SRC: variants seen among roughly 807,000 people sequenced by gnomAD.
SRC encodes the protein proto-oncogene tyrosine-protein kinase Src.
A neutral mutation model predicts 62.9 loss-of-function variants in SRC; 13 were observed. The observed-to-expected ratio is 0.21, with a 90% CI of 0.13 to 0.33. The LOEUF (loss-of-function observed/expected upper bound fraction) is 0.33. SRC is among the 10% of genes least tolerant of loss of function. The pLI is 1.00. For missense variants in SRC, 457 were observed against 737.3 expected (o/e 0.62, Z 4.40); for synonymous variants, 302 against 317.5 (o/e 0.95, Z 0.52).
rs2070760064 is a variant in SRC, at chr20:37,402,790, C to G, written c.1312C>G (p.Leu438Val). The part of the protein sequence containing the change: ...PIKWTAPEAA[L>V]YGRFTIKSDV... ...CAAGTGGACGGCTCCAGAAGCTGCC[C>G]TCTATGGCCGCTTCACCATCAAGTC... The change falls in exon 13 of 14, where the codon CTC (leucine) becomes GTC (valine). Residue 438 changes from leucine (L) to valine (V), a missense_variant. By Grantham distance (32) the Leu-to-Val change is conservative (BLOSUM62 1). Around this residue, in one of 4 missense-constraint regions of SRC, gnomAD observed 168 missense variants for 357.8 expected, o/e 0.47. Transcript: ENST00000373578. This position sits in a 1 kb window ranked among gnomAD's most constrained non-coding sequence, Gnocchi z 6.2. The G allele has an allele frequency of 6.2e-7, 1 of 1,613,932 alleles. No homozygotes were observed. Among genetic ancestry groups the G allele is most frequent in the Non-Finnish European group, 8.5e-7 (1 of 1,179,970 alleles).
intron 2 of SRC, among the ~76,000 whole-genome samples, chr20:37,373,313 C>T (rs1452073763): frequency 6.6e-6 from 1 of 151,522 alleles, no homozygotes; most frequent in Non-Finnish European, 1.5e-5. Context: ...GCACACATTA[C>T]ATATGTACAC....
intron 1 of SRC, among the ~76,000 whole-genome samples, chr20:37,354,907 A>G (rs2069858893): frequency 6.6e-6 from 1 of 152,196 alleles, no homozygotes; most frequent in Admixed American, 6.5e-5. Flanking sequence ...TGATGTGCTC[A>G]TTCTCCCCAT....
In SRC at chr20:37,351,109, C is replaced by G. The variant is rs191041860; in HGVS notation, c.-247+4854C>G. ...AGGGATAGATGACCGGGGAGGATCT[C>G]AGAGCTGGGAGCCAGACCTCCATCT... On this transcript the variant is annotated intron_variant, in intron 1 of 13. Transcript: ENST00000373578. This position sits in a 1 kb window ranked among gnomAD's most constrained non-coding sequence, Gnocchi z 4.4. Among the ~76,000 whole-genome samples the G allele has an allele frequency of 4.5e-4, 68 of 152,332 alleles. No homozygotes were observed. The highest frequency in any genetic ancestry group is 8.8e-4 in the Non-Finnish European group (60 of 68,036).
chr20:37,384,543 C>CGGGGGGGG lies in SRC; in HGVS notation c.250+146_250+147insGGGGGGGG. ...AGCGCCCCTGGGTGACTTGGGTGTC[C>CGGGGGGGG]GGGGGGTGGGGGGGCGGCCGTACAC... On this transcript the variant is annotated intron_variant, in intron 4 of 13. Transcript: ENST00000373578. This position sits in a 1 kb window ranked among gnomAD's most constrained non-coding sequence, Gnocchi z 6.7. The CGGGGGGGG allele has an allele frequency of 6.3e-6, 1 of 159,522 alleles. No homozygotes were observed. The highest frequency in any genetic ancestry group is 5.1e-5 in the African/African-American group (1 of 19,576). The allele number at this position is 159,522 out of a possible 1,614,324, so 9.9% of individuals were successfully genotyped here. A position where few individuals can be genotyped will look rare whatever the true frequency, so the allele number is the denominator to read the frequency against.
chr20:37,371,292 C>A (rs187983650), intron 2 of SRC, among the ~76,000 whole-genome samples: 1 of 152,176 alleles, frequency 6.6e-6, no homozygotes, highest in East Asian at 1.9e-4. Flanking sequence ...CCGTGCCCAG[C>A]CTATTTCTTC....
intron 1 of SRC, among the ~76,000 whole-genome samples, chr20:37,362,816 G>C (rs2069996639): frequency 6.6e-6 from 1 of 152,184 alleles, no homozygotes; most frequent in East Asian, 1.9e-4. Context: ...CCTCACTCCA[G>C]GGTGTGGGGG....
intron 2 of SRC, among the ~76,000 whole-genome samples, chr20:37,367,496 T>C (rs1453059565): frequency 6.6e-6 from 1 of 152,030 alleles, no homozygotes; most frequent in Non-Finnish European, 1.5e-5. Context: ...CCTATTTTTA[T>C]GATTAATGTA....
At chr20:37,379,942 TAAA>T (rs57772720) in intron 2 of SRC, among the ~76,000 whole-genome samples, 19 of 51,454 alleles carry the variant, frequency 3.7e-4, no homozygotes, top group African/African-American at 8.9e-4. Flanking sequence ...GAGCTTGGAG[TAAA>T]AAAAAAAAAA....
At chr20:37,354,743 C>T (rs1324227691) in intron 1 of SRC, among the ~76,000 whole-genome samples, 3 of 152,172 alleles carry the variant, frequency 2.0e-5, no homozygotes, top group Non-Finnish European at 2.9e-5. Flanking sequence ...TTCTGGGTGC[C>T]CTGTGGTTGC....
At chr20:37,350,864 T>C (rs552922358) in intron 1 of SRC, among the ~76,000 whole-genome samples, 2 of 152,252 alleles carry the variant, frequency 1.3e-5, no homozygotes, top group East Asian at 1.9e-4. Flanking sequence ...ATGTCTGCCA[T>C]GGGCACAGGA....
chr20:37,379,581 G>A lies in SRC; in HGVS notation c.-172-3038G>A, dbSNP rs533167841. 1.9e-4 allele frequency among the ~76,000 whole-genome samples: 29 copies of A among 151,944 alleles called. No individual in the cohort carries two copies. In the East Asian group the frequency reaches 4.7e-3, roughly 24 times the overall value. On this transcript the variant is annotated intron_variant, in intron 2 of 13. Transcript: ENST00000373578. ...TCTACTAAAAATACCAGAATTAGCC[G>A]GGAGTGGTGGCACTCACCTGTAATC...
intron 10 of SRC, 33 bp downstream of exon 10, chr20:37,400,327 G>A (rs1367548823): frequency 6.3e-6 from 10 of 1,576,982 alleles, no homozygotes; most frequent in Admixed American, 3.5e-5. Flanking sequence ...AGGGGGCAGG[G>A]GCACTCCGGA....
chr20:37,399,706 T>G (rs2070710442), intron 9 of SRC, among the ~76,000 whole-genome samples: 1 of 151,980 alleles, frequency 6.6e-6, no homozygotes, highest in Non-Finnish European at 1.5e-5. Flanking sequence ...CACTACCACC[T>G]AGCTAATTTT....
Position 37,402,864 on chromosome 20 carries a change from A to T in SRC, c.1386A>T (p.Gly462=), listed in dbSNP as rs766839061. Residue 462 remains glycine, a synonymous_variant, in exon 13 of 14, where the codon GGA becomes GGT. Coordinates refer to ENST00000373578, the MANE Select transcript of SRC (RefSeq NM_198291.3). This position sits in a 1 kb window ranked among gnomAD's most constrained non-coding sequence, Gnocchi z 6.2. ...GILLTELTTK[G]RVPYPGMVNR... ...TGCTGACTGAGCTCACCACAAAGGGACGGGTGCCCTACCCTGGTAAGAAGG... is the reference window on the plus strand; with the variant it reads ...TGCTGACTGAGCTCACCACAAAGGGTCGGGTGCCCTACCCTGGTAAGAAGG... 7 of 1,613,762 alleles carry T rather than the reference A, an allele frequency of 4.3e-6. No individual in the cohort carries two copies. In the African/African-American group the frequency reaches 6.7e-5, roughly 15 times the overall value.
intron 5 of SRC, 33 bp downstream of exon 5, chr20:37,386,207 C>T (rs2147060665): frequency 6.2e-7 from 1 of 1,600,596 alleles, no homozygotes; most frequent in African/African-American, 1.3e-5. Flanking sequence ...CCCCTCAGGG[C>T]TGGGTGGTGG....
intron 1 of SRC, among the ~76,000 whole-genome samples, chr20:37,347,157 CTG>C (rs2069734492): frequency 6.6e-6 from 1 of 152,260 alleles, no homozygotes; most frequent in South Asian, 2.1e-4. Flanking sequence ...TGGACAGAGC[CTG>C]TGTGTGCCCC....
chr20:37,397,384 A>G lies in SRC; in HGVS notation c.704-315A>G, dbSNP rs908405495. Among the ~76,000 whole-genome samples the G allele has an allele frequency of 6.6e-6, 1 of 152,190 alleles. No individual in the cohort carries two copies. The highest frequency in any genetic ancestry group is 2.4e-5 in the African/African-American group (1 of 41,454). On this transcript the variant is annotated intron_variant, in intron 8 of 13. Transcript: ENST00000373578. The surrounding 1 kb of genome is among the most constrained non-coding windows in gnomAD (Gnocchi z 4.1). The stretch of plus-strand genomic sequence containing the variant: ...TGTGGTCCTGGGAGGTGATTAGGGA[A>G]GTGGGGCTCCTCCCTGGACTCTGAG...
At chr20:37,392,215 C>T (rs2070562823) in intron 5 of SRC, among the ~76,000 whole-genome samples, 1 of 152,204 alleles carries the variant, frequency 6.6e-6, no homozygotes. Context: ...AGTCACACCC[C>T]CTTGCCTCAC....
chr20:37,403,498 C>T lies in SRC; in HGVS notation c.*119C>T. 1 of 1,189,902 alleles carries T rather than the reference C, an allele frequency of 8.4e-7. No individual in the cohort carries two copies. The highest frequency in any genetic ancestry group is 1.2e-6 in the Non-Finnish European group (1 of 863,928). 73.7% of individuals were successfully genotyped at this position (1,189,902 alleles called of 1,614,324 possible). On this transcript the variant is annotated 3_prime_UTR_variant, in exon 14 of 14. Coordinates refer to ENST00000373578, the MANE Select transcript of SRC (RefSeq NM_198291.3). The surrounding 1 kb of genome is among the most constrained non-coding windows in gnomAD (Gnocchi z 7.1). ...TCCTCTCTCTGTGGGGCTGAATTGC[C>T]AGGGGCGAGGCCCTTCCTCTTTGGT...
Sources: allele counts gnomAD v4.1 joint callset (sites outside exome capture counted in the v4.1 genomes callset), GRCh38; gene constraint gnomAD v4.1.1; regional missense constraint gnomAD v4.1.1; non-coding constraint Gnocchi (gnomAD v3.1); transcripts MANE v1.5; gene names NCBI Gene and HGNC (gene_info 2026-07-23, HGNC 2026-07-21).